Variants in VEGFC observed in about 807,000 individuals in gnomAD.
The protein encoded by VEGFC is FLT4 ligand DHM.
Under a neutral mutation model 46.1 loss-of-function variants are expected in VEGFC, and 12 were observed. That is an observed-to-expected ratio of 0.26 (90% confidence interval 0.17 to 0.42). The LOEUF (loss-of-function observed/expected upper bound fraction) is 0.42, where lower values mean the gene tolerates loss of function less well. VEGFC is among the 10% of genes least tolerant of loss of function. VEGFC has a pLI of 1.00. For synonymous variants in VEGFC, 232 were observed against 195.5 expected, an observed-to-expected ratio of 1.19 and a Z score of -1.56; for missense variants, 488 against 529.4, an observed-to-expected ratio of 0.92 and a Z score of 0.77.
At chr4:176,725,888 G>T (rs1426623083) in intron 3 of VEGFC, among the ~76,000 whole-genome samples, 1 of 151,924 alleles carries the variant, frequency 6.6e-6, no homozygotes. Flanking sequence ...ACCTTTCAAA[G>T]AATATCTGCT....
At chr4:176,778,383 C>T (rs1735850858) in intron 1 of VEGFC, among the ~76,000 whole-genome samples, 1 of 90,416 alleles carries the variant, frequency 1.1e-5, no homozygotes, top group Admixed American at 1.5e-4. Flanking sequence ...GGAAATAAAA[C>T]ACATATTTAG....
chr4:176,688,907 AG>A (rs1430001828), intron 4 of VEGFC, among the ~76,000 whole-genome samples: 5 of 152,206 alleles, frequency 3.3e-5, no homozygotes, highest in African/African-American at 9.6e-5. Context: ...CTATCATTTG[AG>A]ATCAGAAGTG....
intron 1 of VEGFC, among the ~76,000 whole-genome samples, chr4:176,750,914 AC>A (rs1168378328): frequency 6.6e-6 from 1 of 151,778 alleles, no homozygotes; most frequent in African/African-American, 2.4e-5. Flanking sequence ...ATGGGTTATA[AC>A]AGGAAATCCC....
chr4:176,739,964 ATATATCGAATATATATAACTATATATTCG>A (rs1735128555), intron 1 of VEGFC, among the ~76,000 whole-genome samples: 1 of 18,428 alleles, frequency 5.4e-5, no homozygotes, highest in African/African-American at 8.2e-5. Context: ...TATATATTCG[ATATATCGAATATATATAACTATATATTCG>A]ATATATCGAA....
At chr4:176,711,415 G>A in intron 4 of VEGFC, 84 bp downstream of exon 4, 4 of 1,432,128 alleles carry the variant, frequency 2.8e-6, no homozygotes, top group East Asian at 2.4e-5. Flanking sequence ...ATTTCACAGA[G>A]GTTATTTGTT....
intron 1 of VEGFC, among the ~76,000 whole-genome samples, chr4:176,777,763 C>G (rs1169929696): frequency 3.3e-5 from 5 of 150,456 alleles, no homozygotes; most frequent in Non-Finnish European, 5.9e-5. Flanking sequence ...ATTAAAAATA[C>G]AAAAACTTAG....
intron 1 of VEGFC, among the ~76,000 whole-genome samples, chr4:176,739,122 C>A (rs2111028818): frequency 6.6e-6 from 1 of 152,038 alleles, no homozygotes; most frequent in Admixed American, 6.6e-5. Flanking sequence ...TTATTCCAAT[C>A]AGAATGGCTA....
chr4:176,698,660 T>C (rs1734368782), intron 4 of VEGFC, among the ~76,000 whole-genome samples: 1 of 152,110 alleles, frequency 6.6e-6, no homozygotes, highest in Admixed American at 6.6e-5. Flanking sequence ...ACGTTAGGTC[T>C]CCAGAGCATA....
At chr4:176,744,811 G>T (rs1735234299) in intron 1 of VEGFC, among the ~76,000 whole-genome samples, 1 of 151,994 alleles carries the variant, frequency 6.6e-6, no homozygotes, top group Non-Finnish European at 1.5e-5. Context: ...GCTGACAAAA[G>T]GTATGCAGCC....
intron 1 of VEGFC, among the ~76,000 whole-genome samples, chr4:176,737,370 T>A (rs1329834885): frequency 1.4e-5 from 2 of 145,610 alleles, no homozygotes; most frequent in Non-Finnish European, 3.0e-5. Flanking sequence ...TATAGCATAT[T>A]TTCCAACAAA....
At chr4:176,749,914 T>C (rs1406963183) in intron 1 of VEGFC, among the ~76,000 whole-genome samples, 1 of 151,718 alleles carries the variant, frequency 6.6e-6, no homozygotes, top group Non-Finnish European at 1.5e-5. Context: ...ATATTGTGTC[T>C]CTTCATCTTT....
At chr4:176,756,135 T>C (rs1047960653) in intron 1 of VEGFC, among the ~76,000 whole-genome samples, 1 of 152,036 alleles carries the variant, frequency 6.6e-6, no homozygotes, top group African/African-American at 2.4e-5. Context: ...CCCACATTCA[T>C]GACTTTTTAA....
At chr4:176,711,007 T>C (rs1238997567) in intron 4 of VEGFC, among the ~76,000 whole-genome samples, 2 of 151,978 alleles carry the variant, frequency 1.3e-5, no homozygotes, top group Non-Finnish European at 2.9e-5. Context: ...ATAAGAAACA[T>C]GGAGATACAT....
rs1379967117 is a variant in VEGFC at position 176,687,496 on chromosome 4, A to G, written c.836T>C (p.Ile279Thr). 1.2e-6 allele frequency: 2 copies of G among 1,608,796 alleles called. No individual in the cohort carries two copies. Among genetic ancestry groups the G allele is most frequent in the East Asian group, 4.5e-5 (2 of 44,828 alleles). The change falls in exon 6 of 7, where the codon ATC becomes ACC. Residue 279 changes from isoleucine (I) to threonine (T), a missense_variant. Physicochemically the swap from Ile to Thr is moderately conservative, Grantham distance 89 (BLOSUM62 -1). Coordinates refer to ENST00000618562, the MANE Select transcript of VEGFC (RefSeq NM_005429.5). Reference protein sequence around the residue: ...GDDSTDGFHDICGPNKELDEE... With the variant: ...GDDSTDGFHDTCGPNKELDEE... ...ATCCAGCTCCTTGTTTGGTCCACAG[A>G]TGTCATGGAATCCATCTGTTGAGTC...
At chr4:176,739,283 C>A (rs1342980732) in intron 1 of VEGFC, among the ~76,000 whole-genome samples, 3 of 150,690 alleles carry the variant, frequency 2.0e-5, no homozygotes, top group African/African-American at 4.9e-5. Context: ...TACCACTTGA[C>A]CCTGCAATCC....
chr4:176,721,546 C>T (rs1194242049), intron 3 of VEGFC, among the ~76,000 whole-genome samples: 1 of 152,154 alleles, frequency 6.6e-6, no homozygotes, highest in Non-Finnish European at 1.5e-5. Flanking sequence ...TAAATGTGAC[C>T]TAGATCAGAG....
At chr4:176,684,094 T>A (rs1027061546) in intron 6 of VEGFC, 54 bp from the exon 7 acceptor site, 11 of 1,258,834 alleles carry the variant, frequency 8.7e-6, no homozygotes, top group African/African-American at 1.5e-5. Flanking sequence ...AATGGATTCA[T>A]CATGCTACCA....
intron 1 of VEGFC, among the ~76,000 whole-genome samples, chr4:176,772,184 T>C (rs1344451990): frequency 1.3e-5 from 2 of 152,224 alleles, no homozygotes; most frequent in Admixed American, 1.3e-4. Flanking sequence ...ATTTTAATGT[T>C]ATATTTACTT....
chr4:176,777,109 C>A (rs1179574675), intron 1 of VEGFC, among the ~76,000 whole-genome samples: 1 of 151,934 alleles, frequency 6.6e-6, no homozygotes, highest in African/African-American at 2.4e-5. Context: ...GTCAGGAGAT[C>A]CAGACCATCC....
Sources: allele counts gnomAD v4.1 joint callset (sites outside exome capture counted in the v4.1 genomes callset), GRCh38; gene constraint gnomAD v4.1.1; transcripts MANE v1.5; gene names NCBI Gene and HGNC (gene_info 2026-07-23, HGNC 2026-07-21).